The following MICU1 variants were observed in gnomAD, a reference collection of about 807,000 sequenced individuals.
MICU1 encodes the protein mitochondrial calcium uptake 1, also known as calcium uptake protein 1, mitochondrial.
Under a neutral mutation model 56.8 loss-of-function variants are expected in MICU1, and 45 were observed. The observed-to-expected ratio is 0.79, with a 90% CI of 0.62 to 1.02. The LOEUF is 1.02. Ranked by LOEUF, MICU1 falls within the 50% of genes least tolerant of loss-of-function variation. The pLI, the probability that MICU1 is intolerant of heterozygous loss-of-function variation, is 0.00. For synonymous variants in MICU1, 186 were observed against 195.1 expected, an observed-to-expected ratio of 0.95 and a Z score of 0.39; for missense variants, 504 against 587.1, an observed-to-expected ratio of 0.86 and a Z score of 1.46.
chr10:72,575,708 T>G (rs1020118237), intron 1 of MICU1, among the ~76,000 whole-genome samples: 3 of 152,192 alleles, frequency 2.0e-5, no homozygotes, highest in African/African-American at 7.2e-5. Context: ...CCAAAAACCA[T>G]GCCCAAAGAT....
In MICU1 at chr10:72,563,048, A is replaced by G; in HGVS notation, c.177T>C (p.Ser59=). The part of the protein sequence containing the change: ...GLLWKRAHAE[S]PPCVDNLKSD... ...TTTTTAGGTTGTCTACACATGGTGG[A>G]GATTCTGCATGGGCCCTGGATATGC... The change falls in exon 3 of 12, where the codon TCT becomes TCC. Residue 59 remains serine, a synonymous_variant. Transcript: ENST00000361114. 6.3e-7 allele frequency: 1 copy of G among 1,579,558 alleles called. No individual in the cohort carries two copies. Among genetic ancestry groups the G allele is most frequent in the Non-Finnish European group, 8.6e-7 (1 of 1,165,946 alleles).
At chr10:72,562,145 A>ATATTTTTT in intron 3 of MICU1, among the ~76,000 whole-genome samples, 1 of 78,542 alleles carries the variant, frequency 1.3e-5, no homozygotes, top group Non-Finnish European at 3.2e-5. Flanking sequence ...ATTACATAAA[A>ATATTTTTT]TCTTTTTTTT....
intron 8 of MICU1, among the ~76,000 whole-genome samples, chr10:72,471,046 C>T (rs1269839578): frequency 6.6e-6 from 1 of 152,096 alleles, no homozygotes; most frequent in African/African-American, 2.4e-5. Context: ...GCATGAAACC[C>T]CTAATCTGCT....
intron 8 of MICU1, among the ~76,000 whole-genome samples, chr10:72,470,703 T>C (rs1362288520): frequency 6.7e-6 from 1 of 148,264 alleles, no homozygotes; most frequent in African/African-American, 2.6e-5. Flanking sequence ...TACATGAACT[T>C]TGATCGGGGG....
At chr10:72,522,783 C>A (rs1027790401) in intron 5 of MICU1, among the ~76,000 whole-genome samples, 1 of 152,098 alleles carries the variant, frequency 6.6e-6, no homozygotes, top group African/African-American at 2.4e-5. Flanking sequence ...GCCTCTTCTA[C>A]AAAGTAACTG....
chr10:72,460,897 ATTCT>A (rs1039585507), intron 8 of MICU1, among the ~76,000 whole-genome samples: 1 of 152,194 alleles, frequency 6.6e-6, no homozygotes, highest in African/African-American at 2.4e-5. Flanking sequence ...AGCAATAATC[ATTCT>A]TTATTTTAAA....
At chr10:72,623,711 C>T (rs1279707100) in intron 1 of MICU1, among the ~76,000 whole-genome samples, 3 of 152,060 alleles carry the variant, frequency 2.0e-5, no homozygotes, top group Non-Finnish European at 2.9e-5. Flanking sequence ...TGTGGTGCCG[C>T]GCCTGTAGTT....
intron 2 of MICU1, among the ~76,000 whole-genome samples, chr10:72,563,764 C>T (rs1840356572): frequency 6.6e-6 from 1 of 152,118 alleles, no homozygotes; most frequent in African/African-American, 2.4e-5. Flanking sequence ...GACGATGAGC[C>T]CTTCCAGTAC....
chr10:72,575,857 C>G (rs1046455528), intron 1 of MICU1, among the ~76,000 whole-genome samples: 3 of 152,120 alleles, frequency 2.0e-5, no homozygotes, highest in Admixed American at 2.0e-4. Context: ...ACCAACCTTA[C>G]AAGGGCCTCT....
In MICU1 at chr10:72,508,209, C is replaced by A. The variant is rs2132347847; in HGVS notation, c.598G>T (p.Glu200Ter). 3.9e-6 allele frequency: 6 copies of A among 1,552,430 alleles called. No homozygotes were observed. The highest frequency in any genetic ancestry group is 5.3e-6 in the Non-Finnish European group (6 of 1,138,982). ...TCTGAAAAGGATATGAGCCCACATT[C>A]TCCAAGGGTGTAAAATATACTGCCT... ...DEGSIFYTLG[E>*]CGLISFSDYI... is the part of the protein sequence containing the mutation. The change falls in exon 6 of 12, where the codon GAA becomes TAA. Residue 200 changes from glutamate to a stop codon, truncating the protein, a stop_gained. Coordinates refer to ENST00000361114, the MANE Select transcript of MICU1 (RefSeq NM_001195518.2). LOFTEE classifies it high-confidence loss of function.
intron 1 of MICU1, among the ~76,000 whole-genome samples, chr10:72,588,195 C>T (rs540865773): frequency 6.6e-6 from 1 of 152,196 alleles, no homozygotes; most frequent in South Asian, 2.1e-4. Flanking sequence ...CATGTGAAGA[C>T]GAGCCTGCTT....
intron 6 of MICU1, among the ~76,000 whole-genome samples, chr10:72,495,276 T>C (rs1487230769): frequency 6.6e-6 from 1 of 151,786 alleles, no homozygotes; most frequent in Non-Finnish European, 1.5e-5. Context: ...TCATTTCATG[T>C]GGTTTTTTAT....
intron 1 of MICU1, among the ~76,000 whole-genome samples, chr10:72,625,574 T>G (rs1842207853): frequency 6.6e-6 from 1 of 152,180 alleles, no homozygotes; most frequent in Non-Finnish European, 1.5e-5. Flanking sequence ...TCCACTTATT[T>G]CGATTCAGTG....
At chr10:72,520,584 T>C (rs1027026101) in intron 5 of MICU1, among the ~76,000 whole-genome samples, 13 of 152,146 alleles carry the variant, frequency 8.5e-5, no homozygotes, top group African/African-American at 3.1e-4. Context: ...TAAACTTCAC[T>C]ATGCCAGAAA....
At chr10:72,439,389 T>C (rs1864845171) in intron 8 of MICU1, among the ~76,000 whole-genome samples, 1 of 152,212 alleles carries the variant, frequency 6.6e-6, no homozygotes. Context: ...TAGGTACTGA[T>C]GGACCGTATC....
At chr10:72,471,331 G>A (rs758500449) in intron 8 of MICU1, among the ~76,000 whole-genome samples, 5 of 152,174 alleles carry the variant, frequency 3.3e-5, no homozygotes, top group Non-Finnish European at 5.9e-5. Context: ...TGATCTGCCC[G>A]CCTTGGACTC....
chr10:72,446,367 G>T (rs929511824), intron 8 of MICU1, among the ~76,000 whole-genome samples: 4 of 152,002 alleles, frequency 2.6e-5, no homozygotes, highest in Admixed American at 2.6e-4. Flanking sequence ...TCACTCTGTC[G>T]CCCAGCAGGC....
chr10:72,380,108 C>T (rs944752598), intron 10 of MICU1, among the ~76,000 whole-genome samples: 3 of 152,090 alleles, frequency 2.0e-5, no homozygotes, highest in Non-Finnish European at 2.9e-5. Context: ...GCAAGCAGAA[C>T]AAGTTTTCCT....
chr10:72,611,549 C>A (rs1052398952), intron 1 of MICU1, among the ~76,000 whole-genome samples: 2 of 150,734 alleles, frequency 1.3e-5, no homozygotes, highest in African/African-American at 4.9e-5. Context: ...TGAACCCGGG[C>A]GGCAGAGATT....
Sources: gnomAD v4.1 joint callset for allele counts (sites outside exome capture counted in the v4.1 genomes callset) on GRCh38, gnomAD v4.1.1 for gene constraint, MANE v1.5 for transcripts, NCBI Gene and HGNC (gene_info 2026-07-23, HGNC 2026-07-21) for gene names.